ZFHX3: variants seen among roughly 807,000 people sequenced by gnomAD.
ZFHX3 encodes zinc finger homeobox 3, also known as zinc finger homeobox protein 3.
In ZFHX3, 42 loss-of-function variants were observed where a neutral mutation model predicts 279.1. The observed-to-expected ratio is 0.15, with a 90% CI of 0.12 to 0.19. ZFHX3 has a LOEUF of 0.19. ZFHX3 is among the 10% of genes least tolerant of loss of function. The pLI, the probability that ZFHX3 is intolerant of heterozygous loss-of-function variation, is 1.00. For synonymous variants in ZFHX3, 2,293 were observed against 1,957.8 expected, an observed-to-expected ratio of 1.17 and a Z score of -4.52; for missense variants, 4,981 against 4,754.0, an observed-to-expected ratio of 1.05 and a Z score of -1.40.
chr16:72,938,637 G>A (rs1443320744), intron 3 of ZFHX3, among the ~76,000 whole-genome samples: 3 of 152,184 alleles, frequency 2.0e-5, no homozygotes, highest in Non-Finnish European at 4.4e-5. Flanking sequence ...AGAGCAAATC[G>A]GCACGCCCCC....
At chr16:73,608,901 G>A (rs1033005632) in intron 2 of ZFHX3, 5 of 152,150 alleles carry the variant, frequency 3.3e-5, no homozygotes, top group Non-Finnish European at 7.3e-5. Flanking sequence ...ATACCACTGA[G>A]TTATTAGCAT....
At position 73,823,019 on chromosome 16, in the gene ZFHX3, A is replaced by G. The variant is rs546056722; in HGVS notation, c.-1608+68632T>C. ...GGCTATATGCTAAGGATGTAACAGT[A>G]AGCACGTGGAAGCCGAATCCCTGCC... is the stretch of plus-strand genomic sequence containing the variant. On this transcript the variant is annotated intron_variant, in intron 1 of 17. Coordinates refer to the ZFHX3 transcript ENST00000641206. 2.0e-4 allele frequency among the ~76,000 whole-genome samples: 30 copies of G among 152,334 alleles called. No individual in the cohort carries two copies. In the South Asian group the frequency reaches 6.2e-3, roughly 32 times the overall value.
At chr16:72,975,769 C>A (rs1009754185) in intron 1 of ZFHX3, among the ~76,000 whole-genome samples, 1 of 152,200 alleles carries the variant, frequency 6.6e-6, no homozygotes, top group Non-Finnish European at 1.5e-5. Context: ...AATAATTACA[C>A]CCTCACCAAC....
At chr16:73,661,132 A>G (rs2052779040) in intron 2 of ZFHX3, among the ~76,000 whole-genome samples, 1 of 152,246 alleles carries the variant, frequency 6.6e-6, no homozygotes, top group African/African-American at 2.4e-5. Flanking sequence ...GACTTAAATA[A>G]GAATATCTGA....
chr16:72,985,642 AGAC>A (rs1201170121), intron 1 of ZFHX3, among the ~76,000 whole-genome samples: 1 of 152,212 alleles, frequency 6.6e-6, no homozygotes, highest in Admixed American at 6.5e-5. Context: ...ACACACAAAA[AGAC>A]GCCTTTAAAA....
At chr16:73,557,096 A>AG (rs2020298508) in intron 2 of ZFHX3, among the ~76,000 whole-genome samples, 1 of 123,322 alleles carries the variant, frequency 8.1e-6, no homozygotes, top group Non-Finnish European at 1.7e-5. Flanking sequence ...CTCCGTCTCA[A>AG]AAAAAAAAAA....
intron 8 of ZFHX3, chr16:73,081,729 C>G (rs1369307984): frequency 6.6e-6 from 1 of 152,094 alleles, no homozygotes; most frequent in Non-Finnish European, 1.5e-5. Flanking sequence ...GCAATGGACT[C>G]TAGTGTGCAG....
chr16:73,006,013 C>G (rs915418378), intron 1 of ZFHX3: 1 of 152,142 alleles, frequency 6.6e-6, no homozygotes, highest in African/African-American at 2.4e-5. Flanking sequence ...TAACTGAACT[C>G]CTTAATTAAA....
intron 1 of ZFHX3, among the ~76,000 whole-genome samples, chr16:73,803,972 C>T (rs1288482510): frequency 6.6e-6 from 1 of 152,112 alleles, no homozygotes; most frequent in African/African-American, 2.4e-5. Context: ...GTCTGGGCAA[C>T]ATGGCAAAAC....
In ZFHX3 at chr16:73,821,036, C is replaced by T. The variant is rs139686045; in HGVS notation, c.-1608+70615G>A. Among the ~76,000 whole-genome samples, 5 of 152,216 alleles carry T rather than the reference C, an allele frequency of 3.3e-5. No individual in the cohort carries two copies. The South Asian group carries it at 6.2e-4, about 19-fold the overall frequency. On this transcript the variant is annotated intron_variant, in intron 1 of 17. Coordinates refer to the ZFHX3 transcript ENST00000641206. ...AATGATGGGACTGAGGTCTAGAGAG[C>T]GTGAGTCTCCTTGCCAAGGCAACAC...
intron 3 of ZFHX3, among the ~76,000 whole-genome samples, chr16:72,911,838 C>T (rs2039325541): frequency 6.6e-6 from 1 of 152,114 alleles, no homozygotes; most frequent in Admixed American, 6.5e-5. Context: ...ACAATCACAT[C>T]TAGTTACCTG....
intron 1 of ZFHX3, among the ~76,000 whole-genome samples, chr16:73,881,994 G>A (rs777441049): frequency 3.9e-5 from 6 of 151,952 alleles, no homozygotes; most frequent in East Asian, 1.9e-4. Flanking sequence ...AACTTTTATC[G>A]TCAGTTGCTA....
At chr16:73,240,180 A>C (rs2013078100) in intron 5 of ZFHX3, among the ~76,000 whole-genome samples, 1 of 151,734 alleles carries the variant, frequency 6.6e-6, no homozygotes, top group African/African-American at 2.4e-5. Flanking sequence ...TGTGCTTAGG[A>C]CCACCAGACG....
rs377505514 is a variant in ZFHX3, at chr16:72,928,227, G to A, written c.3216+22242C>T. On this transcript the variant is annotated intron_variant, in intron 3 of 9. Coordinates refer to ENST00000268489, the MANE Select transcript of ZFHX3 (RefSeq NM_006885.4). Reference sequence around the variant, plus strand: ...GAGGGGGAGCGAAGGGGAGCGAGGGGGAGCGAGAGAGGAAAGGGCTTAAGG... The same window carrying A: ...GAGGGGGAGCGAAGGGGAGCGAGGGAGAGCGAGAGAGGAAAGGGCTTAAGG... Among the ~76,000 whole-genome samples, 334 of 77,876 alleles carry A rather than the reference G, an allele frequency of 4.3e-3. 66 individuals are homozygous for A. The highest frequency in any genetic ancestry group is 4.7e-3 in the Admixed American group (39 of 8,304). 51.1% of individuals were successfully genotyped at this position (77,876 alleles called of 152,430 possible).
chr16:73,454,777 C>T (rs946756319), intron 3 of ZFHX3, among the ~76,000 whole-genome samples: 1 of 152,092 alleles, frequency 6.6e-6, no homozygotes, highest in Non-Finnish European at 1.5e-5. Context: ...GATATATCTG[C>T]TTTGCATAAG....
At chr16:72,951,748 T>C (rs985373319) in intron 2 of ZFHX3, among the ~76,000 whole-genome samples, 1 of 152,208 alleles carries the variant, frequency 6.6e-6, no homozygotes, top group Non-Finnish European at 1.5e-5. Flanking sequence ...GTATCTGAGG[T>C]GGCAGTGACC....
chr16:72,995,131 CA>C lies in ZFHX3; in HGVS notation c.-49-34938del, dbSNP rs547411714. 1.4e-3 allele frequency among the ~76,000 whole-genome samples: 208 copies of C among 152,224 alleles called. 1 individual carries two copies. The highest frequency in any genetic ancestry group is 4.9e-3 in the African/African-American group (205 of 41,542). ...AGATGAGAGGTGCCTGCCCCTTCTC[CA>C]AAATGGGATGGTGAAATTAACACAT... On this transcript the variant is annotated intron_variant, in intron 1 of 9. Coordinates refer to ENST00000268489, the MANE Select transcript of ZFHX3 (RefSeq NM_006885.4).
At chr16:73,507,994 A>G (rs531459024) in intron 2 of ZFHX3, among the ~76,000 whole-genome samples, 1 of 152,338 alleles carries the variant, frequency 6.6e-6, no homozygotes, top group Admixed American at 6.5e-5. Context: ...AACATGTGTG[A>G]TCCTCTTGAA....
intron 1 of ZFHX3, among the ~76,000 whole-genome samples, chr16:73,784,387 G>A (rs1959570730): frequency 6.6e-6 from 1 of 151,748 alleles, no homozygotes; most frequent in South Asian, 2.1e-4. Flanking sequence ...ATGATCATGG[G>A]TCTCTTCCTT....
Sources: allele counts gnomAD v4.1 joint callset (sites outside exome capture counted in the v4.1 genomes callset), GRCh38; gene constraint gnomAD v4.1.1; transcripts MANE v1.5; gene names NCBI Gene and HGNC (gene_info 2026-07-23, HGNC 2026-07-21).